Variants in ARHGAP22 observed in about 807,000 individuals in gnomAD.
ARHGAP22 encodes Rho GTPase activating protein 22, also known as rho GTPase-activating protein 22.
In ARHGAP22, 48 loss-of-function variants were observed where a neutral mutation model predicts 59.1. The observed-to-expected ratio is 0.81, with a 90% confidence interval of 0.64 to 1.03. The LOEUF (loss-of-function observed/expected upper bound fraction) is 1.03. Ranked by LOEUF, ARHGAP22 falls within the 50% of genes least tolerant of loss-of-function variation. ARHGAP22 has a pLI of 0.00. For missense variants in ARHGAP22, 1,015 were observed against 958.7 expected (o/e 1.06, Z -0.78); for synonymous variants, 445 against 416.4 (o/e 1.07, Z -0.84).
intron 4 of ARHGAP22, among the ~76,000 whole-genome samples, chr10:48,471,438 G>T (rs1279252214): frequency 6.6e-6 from 1 of 152,214 alleles, no homozygotes; most frequent in Non-Finnish European, 1.5e-5. Flanking sequence ...TTACCACAGT[G>T]CTAGTTAGCA....
At chr10:48,492,797 G>A (rs570077936) in intron 3 of ARHGAP22, among the ~76,000 whole-genome samples, 11 of 152,030 alleles carry the variant, frequency 7.2e-5, no homozygotes, top group African/African-American at 1.2e-4. Context: ...CAGGTGATCC[G>A]CCCACCTCAA....
chr10:48,539,200 G>A (rs2055667770), intron 3 of ARHGAP22, among the ~76,000 whole-genome samples: 1 of 151,262 alleles, frequency 6.6e-6, no homozygotes, highest in African/African-American at 2.4e-5. Flanking sequence ...AATATTATTA[G>A]AAGTTTCTTT....
At chr10:48,522,629 G>T (rs2053913119) in intron 3 of ARHGAP22, among the ~76,000 whole-genome samples, 1 of 152,226 alleles carries the variant, frequency 6.6e-6, no homozygotes, top group East Asian at 1.9e-4. Context: ...CCCTCGGGGA[G>T]CATGCAGCAA....
At chr10:48,577,805 T>C (rs1159879492) in intron 2 of ARHGAP22, among the ~76,000 whole-genome samples, 1 of 107,184 alleles carries the variant, frequency 9.3e-6, no homozygotes, top group Non-Finnish European at 1.8e-5. Flanking sequence ...TTTTTGGTTT[T>C]TTTTTTTTTT....
At chr10:48,619,712 G>C (rs1035993537) in intron 1 of ARHGAP22, among the ~76,000 whole-genome samples, 2 of 152,124 alleles carry the variant, frequency 1.3e-5, no homozygotes, top group South Asian at 4.1e-4. Flanking sequence ...ATGGATTAAA[G>C]ACTTAAATGT....
chr10:48,537,008 C>G (rs576641387), intron 3 of ARHGAP22, among the ~76,000 whole-genome samples: 1 of 152,228 alleles, frequency 6.6e-6, no homozygotes, highest in East Asian at 1.9e-4. Context: ...ACCCCATCAC[C>G]AAGGGCTGCA....
intron 4 of ARHGAP22, among the ~76,000 whole-genome samples, chr10:48,471,830 AG>A (rs2048257893): frequency 6.6e-6 from 1 of 152,230 alleles, no homozygotes; most frequent in Admixed American, 6.5e-5. Flanking sequence ...TCTGGTCAGC[AG>A]GCAGAGTGGT....
chr10:48,492,403 G>C (rs2050490462), intron 3 of ARHGAP22, among the ~76,000 whole-genome samples: 1 of 152,330 alleles, frequency 6.6e-6, no homozygotes, highest in Admixed American at 6.5e-5. Context: ...CAGGGGTGAA[G>C]GCCAAGTGTC....
chr10:48,501,383 TC>T (rs1303696764), intron 3 of ARHGAP22, among the ~76,000 whole-genome samples: 1 of 152,222 alleles, frequency 6.6e-6, no homozygotes, highest in African/African-American at 2.4e-5. Context: ...CACCACGTGT[TC>T]CAGGTGTGTG....
chr10:48,553,734 C>T (rs75634225), intron 3 of ARHGAP22, among the ~76,000 whole-genome samples: 3,898 of 152,222 alleles, frequency 0.026, 170 homozygotes, highest in African/African-American at 0.09. Flanking sequence ...CCCCCAACAC[C>T]CCCAACACCA....
At chr10:48,643,854 A>G (rs1474407326) in intron 1 of ARHGAP22, among the ~76,000 whole-genome samples, 1 of 152,030 alleles carries the variant, frequency 6.6e-6, no homozygotes, top group African/African-American at 2.4e-5. Context: ...CATTAAGAAA[A>G]GAAACATTCT....
chr10:48,640,164 G>A (rs145586075), intron 1 of ARHGAP22, among the ~76,000 whole-genome samples: 16 of 152,140 alleles, frequency 1.1e-4, no homozygotes, highest in Admixed American at 2.0e-4. Context: ...CGAAATTAGC[G>A]AACCTGAAGA....
chr10:48,623,388 T>C (rs2061347385), intron 1 of ARHGAP22, among the ~76,000 whole-genome samples: 1 of 152,242 alleles, frequency 6.6e-6, no homozygotes, highest in South Asian at 2.1e-4. Flanking sequence ...ACTGTCTTTG[T>C]CGAGAAAAGA....
intron 3 of ARHGAP22, among the ~76,000 whole-genome samples, chr10:48,508,886 A>G (rs2052446683): frequency 6.6e-6 from 1 of 152,266 alleles, no homozygotes; most frequent in African/African-American, 2.4e-5. Context: ...GACACCAATC[A>G]ACATGCCAGA....
chr10:48,485,299 TTG>T (rs1319523177), intron 3 of ARHGAP22, among the ~76,000 whole-genome samples: 4 of 152,166 alleles, frequency 2.6e-5, no homozygotes, highest in African/African-American at 9.7e-5. Context: ...TTTCAATACG[TTG>T]TGTTTTCATT....
At chr10:48,548,258 G>T (rs369079533) in intron 3 of ARHGAP22, among the ~76,000 whole-genome samples, 1 of 152,122 alleles carries the variant, frequency 6.6e-6, no homozygotes, top group Non-Finnish European at 1.5e-5. Flanking sequence ...CCTACCCCCT[G>T]GTTTCTGGTG....
rs766216309 is a variant in ARHGAP22, at chr10:48,450,985, C to T, written c.1144G>A (p.Glu382Lys). 14 of 1,561,994 alleles carry T rather than the reference C, an allele frequency of 9.0e-6. No homozygotes were observed. Among genetic ancestry groups the T allele is most frequent in the Non-Finnish European group, 1.2e-5 (14 of 1,153,774 alleles). ...SEEVTRDSQG[E>K]PGGPGLPAHR... Reference sequence around the variant, plus strand: ...GCGGGCAGGCCGGGGCCGCCGGGCTCTCCTTGGCTGTCCCTGGTGACCTCC... The same window carrying T: ...GCGGGCAGGCCGGGGCCGCCGGGCTTTCCTTGGCTGTCCCTGGTGACCTCC... The change falls in exon 9 of 10, where the codon GAG becomes AAG. Residue 382 changes from glutamate to lysine, a missense_variant. By Grantham distance (56) the Glu-to-Lys change is moderately conservative. Coordinates refer to ENST00000249601, the MANE Select transcript of ARHGAP22 (RefSeq NM_021226.4).
intron 4 of ARHGAP22, among the ~76,000 whole-genome samples, chr10:48,465,095 T>C (rs1411728689): frequency 6.6e-6 from 1 of 152,082 alleles, no homozygotes; most frequent in Non-Finnish European, 1.5e-5. Context: ...TGCCCCCGCC[T>C]GGCTGAACTC....
chr10:48,450,199 G>C (rs1174335627), intron 9 of ARHGAP22, 62 bp downstream of exon 9: 1 of 1,566,626 alleles, frequency 6.4e-7, no homozygotes, highest in East Asian at 2.4e-5. Context: ...CATGTGCCAA[G>C]AGCACGGCTC....
Sources: gnomAD v4.1 joint callset for allele counts (sites outside exome capture counted in the v4.1 genomes callset) on GRCh38, gnomAD v4.1.1 for gene constraint, MANE v1.5 for transcripts, NCBI Gene and HGNC (gene_info 2026-07-23, HGNC 2026-07-21) for gene names.